The following PGR variants were observed in gnomAD, a reference collection of about 807,000 sequenced individuals.
PGR encodes the protein progesterone receptor.
In PGR, 25 loss-of-function variants were observed where a neutral mutation model predicts 76.1. That is an observed-to-expected ratio of 0.33 (90% CI 0.24 to 0.46). The LOEUF (loss-of-function observed/expected upper bound fraction) is 0.46. Among genes scored for constraint, PGR ranks in the 20% least tolerant of loss-of-function variants. The pLI is 1.00. For synonymous variants in PGR, 579 were observed against 535.0 expected, an observed-to-expected ratio of 1.08 and a Z score of -1.14; for missense variants, 1,172 against 1,225.3, an observed-to-expected ratio of 0.96 and a Z score of 0.65.
At chr11:101,091,656 G>GA (rs1435687143) in intron 3 of PGR, 104 bp downstream of exon 3, 5 of 751,398 alleles carry the variant, frequency 6.7e-6, no homozygotes, top group South Asian at 1.4e-5. Context: ...AATCAAGACA[G>GA]AAAAAACAAA....
chr11:101,089,135 T>C (rs1025177267), intron 3 of PGR, among the ~76,000 whole-genome samples: 5 of 152,196 alleles, frequency 3.3e-5, no homozygotes, highest in African/African-American at 1.2e-4. Flanking sequence ...TCACACAATA[T>C]ACCCAGGTAA....
chr11:101,074,203 T>G (rs1192743216), intron 3 of PGR, among the ~76,000 whole-genome samples: 1 of 152,112 alleles, frequency 6.6e-6, no homozygotes, highest in Non-Finnish European at 1.5e-5. Flanking sequence ...ATCCATCACA[T>G]AAACAGAACC....
chr11:101,106,775 C>T (rs1188056105), intron 2 of PGR, among the ~76,000 whole-genome samples: 1 of 152,086 alleles, frequency 6.6e-6, no homozygotes, highest in Non-Finnish European at 1.5e-5. Flanking sequence ...CATATGTTTA[C>T]TGAAGCACTA....
At chr11:101,089,205 C>G (rs7114950) in intron 3 of PGR, among the ~76,000 whole-genome samples, 1 of 151,526 alleles carries the variant, frequency 6.6e-6, no homozygotes, top group Non-Finnish European at 1.5e-5. Context: ...AATAGAGCTG[C>G]GATAGCTGGA....
chr11:101,080,191 C>T (rs1411061083), intron 3 of PGR, among the ~76,000 whole-genome samples: 1 of 152,088 alleles, frequency 6.6e-6, no homozygotes, highest in African/African-American at 2.4e-5. Context: ...CAGCCTATTG[C>T]CTAAGACAAT....
chr11:101,098,082 G>A (rs1480027252), intron 2 of PGR, among the ~76,000 whole-genome samples: 1 of 151,838 alleles, frequency 6.6e-6, no homozygotes, highest in Non-Finnish European at 1.5e-5. Flanking sequence ...AGCCCCAAGT[G>A]TTACTCTTAA....
intron 4 of PGR, among the ~76,000 whole-genome samples, chr11:101,054,088 CT>C (rs1860202885): frequency 6.6e-6 from 1 of 152,170 alleles, no homozygotes; most frequent in South Asian, 2.1e-4. Context: ...GTGATGCTTG[CT>C]TTTTAGCCCT....
rs1313473825 is a variant in PGR, at chr11:101,129,518, G to T, written c.-448C>A. The T allele has an allele frequency of 2.9e-5, 6 of 208,812 alleles. No individual in the cohort carries two copies. In the East Asian group the frequency reaches 4.5e-4, roughly 16 times the overall value. 12.9% of individuals were successfully genotyped at this position (208,812 alleles called of 1,614,324 possible). ...CGACTTTTTCTCTGGCATCAAACTC[G>T]TGCATGCTGTGAAGCTCTCAGTCCC... On this transcript the variant is annotated 5_prime_UTR_variant, in exon 1 of 8. Coordinates refer to ENST00000325455, the MANE Select transcript of PGR (RefSeq NM_000926.4).
intron 1 of PGR, chr11:101,126,963 AC>A (rs1862856844): frequency 6.6e-6 from 1 of 152,254 alleles, no homozygotes; most frequent in Non-Finnish European, 1.5e-5. Context: ...CTCAAGTCCC[AC>A]CCCTCCCGGG....
Position 101,038,633 on chromosome 11 carries a change from T to C in PGR, c.*483A>G, listed in dbSNP as rs1408785299. 4.3e-6 allele frequency: 1 copy of C among 230,032 alleles called. No individual in the cohort carries two copies. The highest frequency in any genetic ancestry group is 5.6e-5 in the Admixed American group (1 of 17,702). 14.2% of individuals were successfully genotyped at this position (230,032 alleles called of 1,614,324 possible). A position where few individuals can be genotyped will look rare whatever the true frequency, so the allele number is the denominator to read the frequency against. Reference sequence around the variant, plus strand: ...ACTTTTGAAAATCTGAGGAAAGTTATGAATTTCCTCCTCACACAAATATAT... The same window carrying C: ...ACTTTTGAAAATCTGAGGAAAGTTACGAATTTCCTCCTCACACAAATATAT... On this transcript the variant is annotated 3_prime_UTR_variant, in exon 8 of 8. Coordinates refer to ENST00000325455, the MANE Select transcript of PGR (RefSeq NM_000926.4).
intron 2 of PGR, among the ~76,000 whole-genome samples, chr11:101,099,277 A>G (rs558050407): frequency 6.6e-6 from 1 of 152,326 alleles, no homozygotes; most frequent in South Asian, 2.1e-4. Context: ...GATGAACTAC[A>G]TAAGTATAAT....
At chr11:101,095,631 T>G (rs1349419756) in intron 2 of PGR, among the ~76,000 whole-genome samples, 1 of 152,210 alleles carries the variant, frequency 6.6e-6, no homozygotes, top group Non-Finnish European at 1.5e-5. Flanking sequence ...TGTTTAAGTG[T>G]GAATGTCAAT....
intron 3 of PGR, among the ~76,000 whole-genome samples, chr11:101,064,906 T>C (rs186719858): frequency 6.6e-6 from 1 of 152,332 alleles, no homozygotes; most frequent in East Asian, 1.9e-4. Flanking sequence ...ATACTTACCA[T>C]TGCATTACAG....
intron 2 of PGR, among the ~76,000 whole-genome samples, chr11:101,120,302 A>G (rs1166838673): frequency 6.6e-6 from 1 of 152,218 alleles, no homozygotes; most frequent in Non-Finnish European, 1.5e-5. Flanking sequence ...TTTTAAATGT[A>G]GGATCAATAC....
In PGR at chr11:101,039,161, C is replaced by T; in HGVS notation, c.2757G>A (p.Lys919=). 6.2e-7 allele frequency: 1 copy of T among 1,612,022 alleles called. No individual in the cohort carries two copies. Among genetic ancestry groups the T allele is most frequent in the Non-Finnish European group, 8.5e-7 (1 of 1,178,480 alleles). The change falls in exon 8 of 8, where the codon AAG becomes AAA. Residue 919 remains lysine (K), a synonymous_variant. Transcript: ENST00000325455. ...MSEVIAAQLP[K]ILAGMVKPLL... Reference sequence around the variant, plus strand: ...GGGGTTTCACCATCCCTGCCAATATCTTGGGTAATTGTGCAGCAATAACTT... The same window carrying T: ...GGGGTTTCACCATCCCTGCCAATATTTTGGGTAATTGTGCAGCAATAACTT...
At chr11:101,049,907 T>G in intron 6 of PGR, 22 bp downstream of exon 6, 1 of 1,596,936 alleles carries the variant, frequency 6.3e-7, no homozygotes, top group Non-Finnish European at 8.6e-7. Context: ...TATCTTGCAT[T>G]AAGTTACTTG....
intron 3 of PGR, among the ~76,000 whole-genome samples, chr11:101,071,721 G>A (rs1403062565): frequency 2.6e-5 from 4 of 151,694 alleles, no homozygotes; most frequent in Admixed American, 2.6e-4. Flanking sequence ...CAGAAGAAAG[G>A]ATATCAGAGA....
rs749208871 is a variant in PGR at position 101,127,785 on chromosome 11, G to A, written c.1286C>T (p.Ala429Val). ...LGPPPPLPPR[A>V]TPSRPGEAAV... Reference sequence around the variant, plus strand: ...CGCTTCCCCGGGTCTGGATGGGGTCGCTCGCGGCGGCAGCGGGGGCGGTGG... The same window carrying A: ...CGCTTCCCCGGGTCTGGATGGGGTCACTCGCGGCGGCAGCGGGGGCGGTGG... Residue 429 changes from alanine to valine, a missense_variant, in exon 1 of 8, where the codon GCG becomes GTG. Physicochemically the swap from Ala to Val is moderately conservative, Grantham distance 64. Coordinates refer to ENST00000325455, the MANE Select transcript of PGR (RefSeq NM_000926.4). The A allele has an allele frequency of 7.7e-6, 12 of 1,563,372 alleles. No individual in the cohort carries two copies. Among genetic ancestry groups the A allele is most frequent in the Admixed American group, 1.9e-5 (1 of 53,622 alleles).
intron 3 of PGR, among the ~76,000 whole-genome samples, chr11:101,071,345 T>C (rs899661378): frequency 6.6e-6 from 1 of 152,040 alleles, no homozygotes; most frequent in Non-Finnish European, 1.5e-5. Flanking sequence ...AGACCAAAGG[T>C]AGATAAATCC....
Sources: gnomAD v4.1 joint callset for allele counts (sites outside exome capture counted in the v4.1 genomes callset) on GRCh38, gnomAD v4.1.1 for gene constraint, MANE v1.5 for transcripts, NCBI Gene and HGNC (gene_info 2026-07-23, HGNC 2026-07-21) for gene names.